The following NUMB variants were observed in gnomAD, a reference collection of about 807,000 sequenced individuals.
NUMB encodes the protein NUMB endocytic adaptor protein, also known as protein numb homolog.
NUMB carries 29 observed loss-of-function variants against 59.7 expected under a neutral mutation model. That is an observed-to-expected ratio of 0.49 (90% CI 0.36 to 0.66). NUMB has a LOEUF of 0.66. Ranked by LOEUF, NUMB falls within the 30% of genes least tolerant of loss-of-function variation. The pLI, the probability that NUMB is intolerant of heterozygous loss-of-function variation, is 0.00. For synonymous variants in NUMB, 288 were observed against 288.2 expected, an observed-to-expected ratio of 1.00 and a Z score of 0.01; for missense variants, 723 against 822.0, an observed-to-expected ratio of 0.88 and a Z score of 1.47.
intron 2 of NUMB, among the ~76,000 whole-genome samples, chr14:73,404,779 T>C (rs78115377): frequency 1.3e-5 from 2 of 152,060 alleles, no homozygotes; most frequent in Admixed American, 1.3e-4. Context: ...TTTTTTTTTT[T>C]GGAGACGGAG....
chr14:73,381,980 C>T (rs2140078961), intron 2 of NUMB, among the ~76,000 whole-genome samples: 1 of 152,264 alleles, frequency 6.6e-6, no homozygotes, highest in South Asian at 2.1e-4. Flanking sequence ...TTGGAAACCT[C>T]ACAGCGACAG....
At chr14:73,456,462 A>G (rs1264483482) in intron 1 of NUMB, among the ~76,000 whole-genome samples, 1 of 152,230 alleles carries the variant, frequency 6.6e-6, no homozygotes, top group African/African-American at 2.4e-5. Flanking sequence ...CCAGGAACTC[A>G]AAAAAAGAAA....
At chr14:73,351,629 A>G (rs1396376557) in intron 4 of NUMB, among the ~76,000 whole-genome samples, 1 of 152,194 alleles carries the variant, frequency 6.6e-6, no homozygotes, top group Non-Finnish European at 1.5e-5. Context: ...ACTGGTGGTG[A>G]TAACTGCACA....
At chr14:73,345,965 T>A (rs1490401145) in intron 4 of NUMB, among the ~76,000 whole-genome samples, 1 of 152,056 alleles carries the variant, frequency 6.6e-6, no homozygotes, top group African/African-American at 2.4e-5. Flanking sequence ...TTTAAAATAA[T>A]TAACTCCATT....
chr14:73,335,690 A>G (rs1892270500), intron 4 of NUMB, among the ~76,000 whole-genome samples: 1 of 152,214 alleles, frequency 6.6e-6, no homozygotes, highest in African/African-American at 2.4e-5. Flanking sequence ...TAAAAAATAG[A>G]TTCCCTCCCC....
intron 2 of NUMB, among the ~76,000 whole-genome samples, chr14:73,396,173 C>G (rs1182845141): frequency 2.0e-5 from 3 of 152,184 alleles, no homozygotes; most frequent in African/African-American, 7.2e-5. Context: ...ACCTCAAACT[C>G]CTGGGCTCAA....
chr14:73,425,139 T>C lies in NUMB; in HGVS notation c.-232-15071A>G. On this transcript the variant is annotated intron_variant, in intron 1 of 12. Coordinates refer to ENST00000555238, the MANE Select transcript of NUMB (RefSeq NM_001005743.2). ...ATTCACTCCTTGCCAACTTCTATGG[T>C]GTCTCTATGACATCTACACAGGTTA... is the stretch of plus-strand genomic sequence containing the variant. 1.3e-5 allele frequency among the ~76,000 whole-genome samples: 2 copies of C among 151,464 alleles called. 1 individual carries two copies. Among genetic ancestry groups the C allele is most frequent in the African/African-American group, 4.9e-5 (2 of 41,132 alleles).
At chr14:73,342,232 A>G (rs1350180769) in intron 4 of NUMB, among the ~76,000 whole-genome samples, 1 of 152,220 alleles carries the variant, frequency 6.6e-6, no homozygotes, top group East Asian at 1.9e-4. Flanking sequence ...CAGGTAGAAG[A>G]GCAAATTATG....
At position 73,367,344 on chromosome 14, in the gene NUMB, T is replaced by TAGAGAGAGAGAG. The variant is rs1480182542; in HGVS notation, c.-100-364_-100-363insCTCTCTCTCTCT. On this transcript the variant is annotated intron_variant, in intron 2 of 12. Transcript: ENST00000555238. ...ACACATATATACATATATATATATA[T>TAGAGAGAGAGAG]ATATAGAGAGAGAGAGAGAGAGAGA... Among the ~76,000 whole-genome samples, 171 of 84,126 alleles carry TAGAGAGAGAGAG rather than the reference T, an allele frequency of 2.0e-3. 1 individual carries two copies. The highest frequency in any genetic ancestry group is 6.6e-3 in the African/African-American group (81 of 12,364). 55.2% of individuals were successfully genotyped at this position (84,126 alleles called of 152,430 possible).
intron 6 of NUMB, among the ~76,000 whole-genome samples, chr14:73,300,650 T>C (rs1369531790): frequency 6.6e-6 from 1 of 152,186 alleles, no homozygotes; most frequent in African/African-American, 2.4e-5. Flanking sequence ...ATATACCTCA[T>C]AGGGTTACTG....
In NUMB at chr14:73,277,118, G is replaced by A. The variant is rs774767250; in HGVS notation, c.1416C>T (p.Pro472=). ...PLQPVLQPPP[P]TAISQPASPF... is the part of the protein sequence containing the mutation. ...GTGATGCTGGCTGGGAGATGGCAGT[G>A]GGTGGAGGAGGCTGGAGAACTGGCT... Residue 472 remains proline, a synonymous_variant, in exon 13 of 13, where the codon CCC becomes CCT. Transcript: ENST00000555238. 4.3e-6 allele frequency: 7 copies of A among 1,614,080 alleles called. No homozygotes were observed. Among genetic ancestry groups the A allele is most frequent in the Non-Finnish European group, 5.9e-6 (7 of 1,180,030 alleles).
intron 1 of NUMB, among the ~76,000 whole-genome samples, chr14:73,455,072 T>C (rs944946057): frequency 2.0e-5 from 3 of 152,184 alleles, no homozygotes; most frequent in Non-Finnish European, 2.9e-5. Context: ...AGATATGCAA[T>C]GGTTATATGC....
intron 10 of NUMB, among the ~76,000 whole-genome samples, chr14:73,282,866 C>A (rs1022405086): frequency 6.6e-6 from 1 of 152,188 alleles, no homozygotes; most frequent in Non-Finnish European, 1.5e-5. Flanking sequence ...ACCTGTATGC[C>A]TTCCAACGTG....
At chr14:73,418,343 G>C (rs956921288) in intron 1 of NUMB, among the ~76,000 whole-genome samples, 3 of 152,192 alleles carry the variant, frequency 2.0e-5, no homozygotes, top group African/African-American at 7.2e-5. Context: ...GTGGGGTATA[G>C]GAAATTGTTG....
At chr14:73,455,153 TGAGA>T (rs1884265044) in intron 1 of NUMB, among the ~76,000 whole-genome samples, 1 of 152,248 alleles carries the variant, frequency 6.6e-6, no homozygotes, top group African/African-American at 2.4e-5. Context: ...AAATTATTTT[TGAGA>T]GAGAAAAAAA....
At chr14:73,449,726 C>T (rs1380329462) in intron 1 of NUMB, among the ~76,000 whole-genome samples, 7 of 152,214 alleles carry the variant, frequency 4.6e-5, no homozygotes, top group South Asian at 4.1e-4. Context: ...CAGAGTCACA[C>T]TCTGTCGCCC....
chr14:73,359,803 G>C (rs1894014518), intron 3 of NUMB, among the ~76,000 whole-genome samples: 1 of 152,058 alleles, frequency 6.6e-6, no homozygotes, highest in Admixed American at 6.6e-5. Flanking sequence ...CAAATAACTT[G>C]GCAAAATATT....
chr14:73,335,781 CAA>C (rs1303400010), intron 4 of NUMB, among the ~76,000 whole-genome samples: 2 of 152,164 alleles, frequency 1.3e-5, no homozygotes, highest in Non-Finnish European at 2.9e-5. Flanking sequence ...CCAACATTAA[CAA>C]AAGTGACATA....
At chr14:73,299,611 T>TC (rs1296663237) in intron 6 of NUMB, among the ~76,000 whole-genome samples, 3 of 150,942 alleles carry the variant, frequency 2.0e-5, no homozygotes, top group Non-Finnish European at 2.9e-5. Context: ...ATATGACATA[T>TC]ATATGTCATA....
Sources: allele counts gnomAD v4.1 joint callset (sites outside exome capture counted in the v4.1 genomes callset), GRCh38; gene constraint gnomAD v4.1.1; transcripts MANE v1.5; gene names NCBI Gene and HGNC (gene_info 2026-07-23, HGNC 2026-07-21).